Variants in DACT1 observed in about 807,000 individuals in gnomAD.
The protein encoded by DACT1 is dishevelled binding antagonist of beta catenin 1, also known as dapper homolog 1.
In DACT1, 19 loss-of-function variants were observed where a neutral mutation model predicts 35.3. The observed-to-expected ratio is 0.54, with a 90% CI of 0.38 to 0.79. DACT1 has a LOEUF of 0.79. Among genes scored for constraint, DACT1 ranks in the 30% least tolerant of loss-of-function variants. The pLI is 0.00. For missense variants in DACT1, 1,143 were observed against 1,057.5 expected, an observed-to-expected ratio of 1.08 and a Z score of -1.12; for synonymous variants, 545 against 466.7, an observed-to-expected ratio of 1.17 and a Z score of -2.16.
At chr14:58,644,479 G>A (rs1461468532) in intron 3 of DACT1, among the ~76,000 whole-genome samples, 1 of 152,108 alleles carries the variant, frequency 6.6e-6, no homozygotes, top group African/African-American at 2.4e-5. Context: ...GCGATCCTCT[G>A]GCCTCAGCCT....
chr14:58,637,705 G>C (rs1343426804), upstream of DACT1, among the ~76,000 whole-genome samples: 1 of 152,150 alleles, frequency 6.6e-6, no homozygotes, highest in African/African-American at 2.4e-5. Flanking sequence ...TGAGGAGCGA[G>C]GGCAAAATCG....
At position 58,640,863 on chromosome 14, in the gene DACT1, G is replaced by C. The variant is rs2047620265; in HGVS notation, c.473G>C (p.Ser158Thr). 1 of 1,614,132 alleles carries C rather than the reference G, an allele frequency of 6.2e-7. No homozygotes were observed. Among genetic ancestry groups the C allele is most frequent in the South Asian group, 1.1e-5 (1 of 91,072 alleles). ...EEHLETDSRP[S>T]SGFYELSDGA... The stretch of plus-strand genomic sequence containing the variant: ...CACCTGGAGACAGACAGTCGGCCTA[G>C]CTCAGGTGAGTGATTGAGCACAAGG... The change falls in exon 2 of 4, where the codon AGC becomes ACC. Residue 158 changes from serine to threonine, a missense_variant. Physicochemically the swap from Ser to Thr is moderately conservative, Grantham distance 58 (BLOSUM62 1). Coordinates refer to ENST00000395153, the MANE Select transcript of DACT1 (RefSeq NM_001079520.2).
intron 3 of DACT1, among the ~76,000 whole-genome samples, chr14:58,642,475 AAAAAAAC>A (rs577743371): frequency 1.3e-3 from 195 of 150,164 alleles, no homozygotes; most frequent in African/African-American, 4.5e-3. Context: ...CAGAGAGAAA[AAAAAAAC>A]AAAAAACAAA....
At position 58,641,698 on chromosome 14, in the gene DACT1, C is replaced by A. The variant is rs143942985; in HGVS notation, c.585C>A (p.Ser195Arg). ...GTCATTCCAGCACCTGCTTTTGCAG[C>A]CCCTTGGAGGCGACCTTGAGTCTCT... ...SSCHSSTCFC[S>R]PLEATLSLSD... Residue 195 changes from serine to arginine, a missense_variant, in exon 3 of 4, where the codon AGC (serine) becomes AGA (arginine). By Grantham distance (110) the Ser-to-Arg change is moderately radical (BLOSUM62 -1). This residue lies in a region of DACT1 where 1,054 missense variants were observed against 958.8 expected (regional missense o/e 1.10). Coordinates refer to ENST00000395153, the MANE Select transcript of DACT1 (RefSeq NM_001079520.2). 1.9e-6 allele frequency: 3 copies of A among 1,614,062 alleles called. No homozygotes were observed. The highest frequency in any genetic ancestry group is 2.2e-5 in the South Asian group (2 of 91,092).
intron 1 of DACT1, among the ~76,000 whole-genome samples, chr14:58,639,687 C>G (rs2047608988): frequency 6.6e-6 from 1 of 152,154 alleles, no homozygotes; most frequent in African/African-American, 2.4e-5. Flanking sequence ...TGTCTCCAAG[C>G]TTTTTAAGTC....
chr14:58,643,575 A>G (rs2047647161), intron 3 of DACT1, among the ~76,000 whole-genome samples: 1 of 152,216 alleles, frequency 6.6e-6, no homozygotes, highest in Admixed American at 6.5e-5. Flanking sequence ...GCTCCCCTTC[A>G]TTCCACAGAT....
In DACT1 at chr14:58,646,476, T is replaced by G. The variant is rs138422181; in HGVS notation, c.1742T>G (p.Leu581Trp). ...GSKKCRFPDD[L>W]DTNKKLKKAS... Reference sequence around the variant, plus strand: ...AAGAAGTGTCGCTTCCCAGATGACTTGGATACAAATAAGAAACTCAAGAAA... The same window carrying G: ...AAGAAGTGTCGCTTCCCAGATGACTGGGATACAAATAAGAAACTCAAGAAA... Residue 581 changes from leucine to tryptophan, a missense_variant, in exon 4 of 4, where the codon TTG (leucine) becomes TGG (tryptophan). Leu to Trp is a moderately conservative substitution (Grantham distance 61, BLOSUM62 -2). This residue lies in a region of DACT1 where 1,054 missense variants were observed against 958.8 expected (regional missense o/e 1.10). Transcript: ENST00000395153. 1.2e-4 allele frequency: 185 copies of G among 1,569,322 alleles called. 1 individual carries two copies. The highest frequency in any genetic ancestry group is 3.3e-4 in the Middle Eastern group (2 of 5,992).
In DACT1 at chr14:58,638,156, T is replaced by C. The variant is rs1158154344; in HGVS notation, c.-47T>C. The C allele has an allele frequency of 1.6e-6, 2 of 1,261,720 alleles. No homozygotes were observed. The highest frequency in any genetic ancestry group is 1.6e-5 in the African/African-American group (1 of 63,752). 78.2% of individuals were successfully genotyped at this position (1,261,720 alleles called of 1,614,324 possible). On this transcript the variant is annotated 5_prime_UTR_variant, in exon 1 of 4. Coordinates refer to ENST00000395153, the MANE Select transcript of DACT1 (RefSeq NM_001079520.2). ...AGCCCTAGCGCCCTGCTCCTCCGCC[T>C]GGGCGGCCCGGCTGCGGTGACGGCT...
At chr14:58,636,928 C>T (rs1303984393), upstream of DACT1, among the ~76,000 whole-genome samples, 3 of 152,024 alleles carry the variant, frequency 2.0e-5, no homozygotes, top group Non-Finnish European at 2.9e-5. Context: ...ACTTATAAAT[C>T]CCTCTGGAGA....
upstream of DACT1, among the ~76,000 whole-genome samples, chr14:58,637,507 G>C (rs1052577660): frequency 6.6e-6 from 1 of 152,268 alleles, no homozygotes; most frequent in African/African-American, 2.4e-5. Context: ...CTCGGTGTGA[G>C]TGGAAATGAG....
At chr14:58,641,539 A>C (rs1249268179) in intron 2 of DACT1, 53 bp from the exon 3 acceptor site, 13 of 1,549,134 alleles carry the variant, frequency 8.4e-6, no homozygotes, top group South Asian at 1.2e-5. Flanking sequence ...TTAAGCGTGA[A>C]TATGCATTAT....
chr14:58,648,233 T>C lies in DACT1; in HGVS notation c.*1099T>C, dbSNP rs1013127983. 3 of 167,110 alleles carry C rather than the reference T, an allele frequency of 1.8e-5. No individual in the cohort carries two copies. Among genetic ancestry groups the C allele is most frequent in the Non-Finnish European group, 2.9e-5 (2 of 68,116 alleles). 10.4% of individuals were successfully genotyped at this position (167,110 alleles called of 1,614,324 possible). A position where few individuals can be genotyped will look rare whatever the true frequency, so the allele number is the denominator to read the frequency against. On this transcript the variant is annotated 3_prime_UTR_variant, in exon 4 of 4. Transcript: ENST00000395153. ...TGTTTTTATATATCATTGTGTAAAT[T>C]TAATATAACATATGCAGTAATAAAC...
At chr14:58,642,413 G>A (rs160470) in intron 3 of DACT1, among the ~76,000 whole-genome samples, 13,493 of 152,020 alleles carry the variant, frequency 0.089, 890 homozygotes, top group African/African-American at 0.18. Context: ...GAACCCAGGA[G>A]GTAGAGGTCA....
upstream of DACT1, among the ~76,000 whole-genome samples, chr14:58,637,870 G>A (rs1427784341): frequency 6.6e-6 from 1 of 151,638 alleles, no homozygotes; most frequent in Non-Finnish European, 1.5e-5. Flanking sequence ...GCCTGGGGGC[G>A]CAAGCGTCGC....
chr14:58,636,381 A>C (rs2047572719), upstream of DACT1, among the ~76,000 whole-genome samples: 1 of 152,202 alleles, frequency 6.6e-6, no homozygotes, highest in South Asian at 2.1e-4. Flanking sequence ...CTTGCAAGGT[A>C]ATGTGCTGAA....
rs373536309 is a variant in DACT1, at chr14:58,646,412, G to T, written c.1678G>T (p.Gly560Cys). The change falls in exon 4 of 4, where the codon GGC becomes TGC. Residue 560 changes from glycine (G) to cysteine (C), a missense_variant. Transcript: ENST00000395153. ...CCCAGCCCTCCAGGGGCTGGAGAAC[G>T]GCTTGCCCACCGTCAGGGAGAAAAC... is the stretch of plus-strand genomic sequence containing the variant. The part of the protein sequence containing the change: ...RGPALQGLEN[G>C]LPTVREKTRA... The T allele has an allele frequency of 6.2e-7, 1 of 1,600,706 alleles. No homozygotes were observed. Among genetic ancestry groups the T allele is most frequent in the African/African-American group, 1.4e-5 (1 of 73,926 alleles).
At chr14:58,640,703 A>G (rs763076125) in intron 1 of DACT1, 33 bp from the exon 2 acceptor site, 9 of 1,613,104 alleles carry the variant, frequency 5.6e-6, no homozygotes, top group Admixed American at 1.7e-5. Context: ...TCACCCCTGT[A>G]TGTTCATGTT....
intron 3 of DACT1, among the ~76,000 whole-genome samples, chr14:58,643,957 G>A (rs2047650490): frequency 6.6e-6 from 1 of 152,128 alleles, no homozygotes; most frequent in African/African-American, 2.4e-5. Context: ...TCTGGGTCTA[G>A]ACTATTTTTT....
chr14:58,644,526 T>C (rs2047655338), intron 3 of DACT1, among the ~76,000 whole-genome samples: 1 of 152,136 alleles, frequency 6.6e-6, no homozygotes, highest in Admixed American at 6.5e-5. Flanking sequence ...CCATCATACC[T>C]GGCCCCTGTT....
Sources: gnomAD v4.1 joint callset for allele counts (sites outside exome capture counted in the v4.1 genomes callset) on GRCh38, gnomAD v4.1.1 for gene constraint, gnomAD v4.1.1 regional missense constraint, MANE v1.5 for transcripts, NCBI Gene and HGNC (gene_info 2026-07-23, HGNC 2026-07-21) for gene names.